The following ADAM12 variants were observed in gnomAD, a reference collection of about 807,000 sequenced individuals.
The protein encoded by ADAM12 is ADAM metallopeptidase domain 12.
Under a neutral mutation model 106.4 loss-of-function variants are expected in ADAM12, and 70 were observed. That is an observed-to-expected ratio of 0.66 (90% confidence interval 0.54 to 0.80). The LOEUF (loss-of-function observed/expected upper bound fraction) is 0.80. Among genes scored for constraint, ADAM12 ranks in the 30% least tolerant of loss-of-function variants. ADAM12 has a pLI of 0.00. For synonymous variants in ADAM12, 420 were observed against 433.5 expected (o/e 0.97, Z 0.39); for missense variants, 1,010 against 1,171.9 (o/e 0.86, Z 2.02).
chr10:126,039,549 C>A, intron 18 of ADAM12, 120 bp from the exon 19 acceptor site: 7 of 1,209,264 alleles, frequency 5.8e-6, no homozygotes, highest in Non-Finnish European at 8.3e-6. Flanking sequence ...GAGAGTACAC[C>A]CGTGAGTGAT....
intron 5 of ADAM12, 146 bp from the exon 6 acceptor site, chr10:126,118,370 C>G (rs936308425): frequency 3.1e-6 from 2 of 641,212 alleles, no homozygotes; most frequent in Non-Finnish European, 5.2e-6. Flanking sequence ...AAGGACGTTT[C>G]TGTGACATAT....
At chr10:126,169,104 AC>A (rs1201468601) in intron 3 of ADAM12, among the ~76,000 whole-genome samples, 1 of 151,854 alleles carries the variant, frequency 6.6e-6, no homozygotes, top group Non-Finnish European at 1.5e-5. Context: ...GACCAGGCCC[AC>A]CCCCTCTACC....
At chr10:126,069,302 T>C (rs758012273) in intron 12 of ADAM12, among the ~76,000 whole-genome samples, 1 of 151,894 alleles carries the variant, frequency 6.6e-6, no homozygotes, top group Non-Finnish European at 1.5e-5. Context: ...AAAAAGCAAA[T>C]CTAAAAAGTG....
intron 3 of ADAM12, among the ~76,000 whole-genome samples, chr10:126,233,810 G>A (rs1045713902): frequency 1.9e-4 from 29 of 152,338 alleles, no homozygotes; most frequent in African/African-American, 7.0e-4. Flanking sequence ...TGTAGAAGCA[G>A]TCTTTGATCT....
intron 2 of ADAM12, among the ~76,000 whole-genome samples, 163 bp downstream of exon 2, chr10:126,330,249 T>C (rs1445507158): frequency 1.3e-5 from 2 of 152,176 alleles, no homozygotes; most frequent in Non-Finnish European, 2.9e-5. Flanking sequence ...CACATCAAAA[T>C]TGGTTTGCAT....
chr10:126,108,312 C>T (rs992767403), intron 8 of ADAM12, among the ~76,000 whole-genome samples: 6 of 152,116 alleles, frequency 3.9e-5, no homozygotes, highest in Admixed American at 1.3e-4. Context: ...TGGAGCTAAT[C>T]GGGAAGTCCA....
rs575579947 is a variant in ADAM12 at position 126,060,152 on chromosome 10, C to A, written c.1609+4654G>T. On this transcript the variant is annotated intron_variant, in intron 14 of 22. Transcript: ENST00000448723. ...GAACAACAAATAAATGAACAAAAAACCCAAAGGCATTCTCAAAGTGTATTG... is the reference window on the plus strand; with the variant it reads ...GAACAACAAATAAATGAACAAAAAAACCAAAGGCATTCTCAAAGTGTATTG... 1.9e-4 allele frequency among the ~76,000 whole-genome samples: 29 copies of A among 152,258 alleles called. No homozygotes were observed. In the South Asian group the frequency reaches 5.2e-3, roughly 27 times the overall value.
chr10:126,242,811 G>T (rs1051347478), intron 3 of ADAM12, among the ~76,000 whole-genome samples: 1 of 152,086 alleles, frequency 6.6e-6, no homozygotes, highest in African/African-American at 2.4e-5. Context: ...CCCAGCTCTG[G>T]GTTCACATGG....
rs948823291 is a variant in ADAM12 at position 126,043,425 on chromosome 10, A to G, written c.1996-277T>C. On this transcript the variant is annotated intron_variant, in intron 17 of 22. Transcript: ENST00000448723. This position sits in a 1 kb window ranked among gnomAD's most constrained non-coding sequence, Gnocchi z 4.1. ...TCAGCTTGCCTCCCCCACCCACCTC[A>G]CTTCCTTCTCCATCTCCCCATCTTC... 6.6e-6 allele frequency among the ~76,000 whole-genome samples: 1 copy of G among 152,058 alleles called. No homozygotes were observed. The highest frequency in any genetic ancestry group is 2.4e-5 in the African/African-American group (1 of 41,420).
chr10:126,028,551 G>C (rs1325228526), intron 21 of ADAM12, among the ~76,000 whole-genome samples: 1 of 152,094 alleles, frequency 6.6e-6, no homozygotes, highest in Non-Finnish European at 1.5e-5. Context: ...AAAAAGCAAT[G>C]GGGAAAGGAT....
intron 21 of ADAM12, among the ~76,000 whole-genome samples, chr10:126,020,221 A>G (rs961078859): frequency 3.3e-5 from 5 of 152,178 alleles, no homozygotes; most frequent in African/African-American, 1.2e-4. Flanking sequence ...AGTTTTGCCA[A>G]CATCACATAG....
intron 1 of ADAM12, among the ~76,000 whole-genome samples, chr10:126,347,857 C>T (rs1855206996): frequency 6.6e-6 from 1 of 152,174 alleles, no homozygotes; most frequent in African/African-American, 2.4e-5. Context: ...ACCCTGAATC[C>T]TGCCCTGAGA....
chr10:126,200,479 C>T (rs902808893), intron 3 of ADAM12, among the ~76,000 whole-genome samples: 11 of 152,120 alleles, frequency 7.2e-5, no homozygotes, highest in Non-Finnish European at 8.8e-5. Flanking sequence ...AAAATCAGCA[C>T]GACTCCTGTC....
At chr10:126,203,255 G>C (rs1332545533) in intron 3 of ADAM12, among the ~76,000 whole-genome samples, 1 of 150,588 alleles carries the variant, frequency 6.6e-6, no homozygotes, top group Non-Finnish European at 1.5e-5. Flanking sequence ...TAAGAAACTA[G>C]AAAGTATTCT....
At chr10:126,328,242 A>G (rs1590787225) in intron 2 of ADAM12, among the ~76,000 whole-genome samples, 1 of 152,282 alleles carries the variant, frequency 6.6e-6, no homozygotes, top group Admixed American at 6.5e-5. Context: ...CACCTGGCAC[A>G]TAATAGGTGC....
At chr10:126,386,788 C>A (rs754783958) in intron 1 of ADAM12, among the ~76,000 whole-genome samples, 4 of 152,172 alleles carry the variant, frequency 2.6e-5, no homozygotes, top group Non-Finnish European at 4.4e-5. Flanking sequence ...TTAAAAAGTT[C>A]TTTCTTAATA....
intron 1 of ADAM12, among the ~76,000 whole-genome samples, chr10:126,380,513 C>T (rs1401789400): frequency 6.6e-6 from 1 of 152,198 alleles, no homozygotes; most frequent in Admixed American, 6.5e-5. Flanking sequence ...AGGGTACTAA[C>T]AGGAACAACA....
chr10:126,354,448 A>AGGCACTCAAT (rs75739887), intron 1 of ADAM12, among the ~76,000 whole-genome samples: 89,148 of 151,802 alleles, frequency 0.59, 26,462 homozygotes, highest in Middle Eastern at 0.65. Context: ...GGCATGCAGT[A>AGGCACTCAAT]GAACGTCTGC....
At chr10:126,074,660 C>T (rs1169994649) in intron 11 of ADAM12, among the ~76,000 whole-genome samples, 1 of 152,192 alleles carries the variant, frequency 6.6e-6, no homozygotes, top group African/African-American at 2.4e-5. Context: ...CAAGTGTTAA[C>T]AAAATTCTTT....
Sources: allele counts gnomAD v4.1 joint callset (sites outside exome capture counted in the v4.1 genomes callset), GRCh38; gene constraint gnomAD v4.1.1; non-coding constraint Gnocchi (gnomAD v3.1); transcripts MANE v1.5; gene names NCBI Gene and HGNC (gene_info 2026-07-23, HGNC 2026-07-21).